ZNF26: variants seen among roughly 807,000 people sequenced by gnomAD.
ZNF26 encodes zinc finger protein 26.
ZNF26 carries 32 observed loss-of-function variants against 54.9 expected under a neutral mutation model. The ratio of observed to expected loss-of-function variants is 0.58; its 90% CI spans 0.44 to 0.78. The LOEUF (loss-of-function observed/expected upper bound fraction) is 0.78. Among genes scored for constraint, ZNF26 ranks in the 30% least tolerant of loss-of-function variants. ZNF26 has a pLI of 0.00. For missense variants in ZNF26, 524 were observed against 634.0 expected, an observed-to-expected ratio of 0.83 and a Z score of 1.86; for synonymous variants, 221 against 209.2, an observed-to-expected ratio of 1.06 and a Z score of -0.49.
intron 1 of ZNF26, 93 bp downstream of exon 1, chr12:132,986,966 T>C: frequency 7.2e-7 from 1 of 1,394,732 alleles, no homozygotes; most frequent in Non-Finnish European, 1.0e-6. Flanking sequence ...TGAACTCACA[T>C]TCAGCTGTAA....
intron 1 of ZNF26, chr12:132,987,605 G>T: frequency 1.5e-6 from 1 of 681,062 alleles, no homozygotes; most frequent in Non-Finnish European, 1.8e-6. Context: ...GAATGCTATT[G>T]GAAGAGGGAC....
In ZNF26 at chr12:133,019,109, C is replaced by T. The variant is rs1320804604; in HGVS notation, c.*7628C>T. ...ATATCAGACACAATAGAGTTTAAAA[C>T]AAAAGTTTTACTAGAGATAAAGAAA... On this transcript the variant is annotated 3_prime_UTR_variant, in exon 4 of 4. Transcript: ENST00000328654. The T allele has an allele frequency of 1.3e-5, 2 of 151,906 alleles. No individual in the cohort carries two copies. Among genetic ancestry groups the T allele is most frequent in the African/African-American group, 4.8e-5 (2 of 41,364 alleles). The allele number at this position is 151,906 out of a possible 1,614,324, so 9.4% of individuals were successfully genotyped here.
intron 1 of ZNF26, 175 bp from the exon 2 acceptor site, chr12:133,006,867 A>G (rs1953342253): frequency 5.0e-6 from 4 of 799,246 alleles, no homozygotes; most frequent in Non-Finnish European, 7.9e-6. Flanking sequence ...TGCTGGCGTG[A>G]GCCACCGTGC....
chr12:133,010,855 A>T lies in ZNF26; in HGVS notation c.976A>T (p.Lys326Ter). 6.2e-7 allele frequency: 1 copy of T among 1,614,154 alleles called. No individual in the cohort carries two copies. Among genetic ancestry groups the T allele is most frequent in the Non-Finnish European group, 8.5e-7 (1 of 1,180,046 alleles). ...CSECGKAFRS[K>*]SYLLVHIRMH... is the part of the protein sequence containing the mutation. ...TGAATGTGGGAAAGCCTTTAGGAGT[A>T]AGTCCTATCTCCTTGTTCACATCCG... Residue 326 changes from lysine to a stop codon, truncating the protein, a stop_gained, in exon 4 of 4, where the codon AAG becomes TAG. Coordinates refer to ENST00000328654, the MANE Select transcript of ZNF26 (RefSeq NM_019591.4). LOFTEE classifies it high-confidence loss of function.
chr12:133,007,730 C>T (rs1347722932), intron 3 of ZNF26, among the ~76,000 whole-genome samples, 198 bp downstream of exon 3: 2 of 152,164 alleles, frequency 1.3e-5, no homozygotes, highest in African/African-American at 4.8e-5. Flanking sequence ...TTTCTTCCCC[C>T]TTACTGTTGA....
intron 1 of ZNF26, among the ~76,000 whole-genome samples, chr12:132,995,674 C>G (rs1479541265): frequency 1.3e-5 from 2 of 151,886 alleles, no homozygotes; most frequent in East Asian, 3.9e-4. Flanking sequence ...TTTTTTGAGA[C>G]AGAGTCTTGC....
Position 133,020,124 on chromosome 12 carries a change from C to G in ZNF26, c.*8643C>G, listed in dbSNP as rs1263271457. 1 of 151,934 alleles carries G rather than the reference C, an allele frequency of 6.6e-6. No individual in the cohort carries two copies. Among genetic ancestry groups the G allele is most frequent in the Non-Finnish European group, 1.5e-5 (1 of 67,984 alleles). 9.4% of individuals were successfully genotyped at this position (151,934 alleles called of 1,614,324 possible). A position where few individuals can be genotyped will look rare whatever the true frequency, so the allele number is the denominator to read the frequency against. ...AAACAAAACAAAAAAAAAATCAGAGCCCATCAACAAATGGATAAAGAAAGT... is the reference window on the plus strand; with the variant it reads ...AAACAAAACAAAAAAAAAATCAGAGGCCATCAACAAATGGATAAAGAAAGT... On this transcript the variant is annotated 3_prime_UTR_variant, in exon 4 of 4. Transcript: ENST00000328654.
intron 1 of ZNF26, 155 bp from the exon 2 acceptor site, chr12:133,006,887 C>T (rs1953342899): frequency 9.5e-7 from 1 of 1,049,712 alleles, no homozygotes; most frequent in Non-Finnish European, 1.4e-6. Context: ...CCTGGCACTC[C>T]TTGATTGATT....
intron 1 of ZNF26, among the ~76,000 whole-genome samples, chr12:132,989,507 A>G (rs1952901382): frequency 6.6e-6 from 1 of 152,210 alleles, no homozygotes; most frequent in Non-Finnish European, 1.5e-5. Context: ...TTACATATAC[A>G]TAAGATATCT....
In ZNF26 at chr12:133,012,875, G is replaced by C. The variant is rs1438376880; in HGVS notation, c.*1394G>C. 6.6e-6 allele frequency: 1 copy of C among 151,998 alleles called. No individual in the cohort carries two copies. The highest frequency in any genetic ancestry group is 6.6e-5 in the Admixed American group (1 of 15,246). The allele number at this position is 151,998 out of a possible 1,614,324, so 9.4% of individuals were successfully genotyped here. On this transcript the variant is annotated 3_prime_UTR_variant, in exon 4 of 4. Transcript: ENST00000328654. ...ATTACAGGTGTGAGCCACCGAGCCC[G>C]GCCAGCTTTCTATTTCTTATAACCT...
intron 1 of ZNF26, among the ~76,000 whole-genome samples, chr12:133,000,154 T>G (rs1953178761): frequency 6.6e-6 from 1 of 152,158 alleles, no homozygotes; most frequent in Admixed American, 6.5e-5. Flanking sequence ...TTGGACTGCT[T>G]CTTGGTCATA....
At chr12:132,991,673 T>C (rs752028126) in intron 1 of ZNF26, among the ~76,000 whole-genome samples, 60 of 148,762 alleles carry the variant, frequency 4.0e-4, no homozygotes, top group Middle Eastern at 3.5e-3. Context: ...TGTGCTAGTG[T>C]GCACCTGTAG....
intron 1 of ZNF26, among the ~76,000 whole-genome samples, chr12:133,000,573 C>T (rs1271206564): frequency 2.0e-5 from 3 of 151,868 alleles, no homozygotes; most frequent in Admixed American, 6.6e-5. Flanking sequence ...TACAGGCGCC[C>T]GCCACCACAC....
At position 133,010,913 on chromosome 12, in the gene ZNF26, G is replaced by C. The variant is rs1370486197; in HGVS notation, c.1034G>C (p.Ser345Thr). ...ACAGGAGAAAAACCCTATCAATGCA[G>C]TGATTGTGGGAAAGCCTTCAATATG... is the stretch of plus-strand genomic sequence containing the variant. The part of the protein sequence containing the change: ...MHTGEKPYQC[S>T]DCGKAFNMKT... The change falls in exon 4 of 4, where the codon AGT (serine) becomes ACT (threonine). Residue 345 changes from serine (S) to threonine (T), a missense_variant. By Grantham distance (58) the Ser-to-Thr change is moderately conservative (BLOSUM62 1). Coordinates refer to ENST00000328654, the MANE Select transcript of ZNF26 (RefSeq NM_019591.4). The C allele has an allele frequency of 6.2e-7, 1 of 1,614,132 alleles. No homozygotes were observed. Among genetic ancestry groups the C allele is most frequent in the South Asian group, 1.1e-5 (1 of 91,092 alleles).
rs1370185052 is a variant in ZNF26 at position 133,014,615 on chromosome 12, G to A, written c.*3134G>A. On this transcript the variant is annotated 3_prime_UTR_variant, in exon 4 of 4. Coordinates refer to ENST00000328654, the MANE Select transcript of ZNF26 (RefSeq NM_019591.4). Reference sequence around the variant, plus strand: ...AGGCTGGAGTGAATTGCACAATCTCGGCTCACTGCAACCTCCGCCTCCTGG... The same window carrying A: ...AGGCTGGAGTGAATTGCACAATCTCAGCTCACTGCAACCTCCGCCTCCTGG... 2.0e-5 allele frequency: 3 copies of A among 148,562 alleles called. No individual in the cohort carries two copies. Among genetic ancestry groups the A allele is most frequent in the Non-Finnish European group, 3.0e-5 (2 of 67,584 alleles). The allele number at this position is 148,562 out of a possible 1,614,324, so 9.2% of individuals were successfully genotyped here.
intron 1 of ZNF26, among the ~76,000 whole-genome samples, chr12:132,999,639 G>A (rs1017834460): frequency 1.2e-3 from 180 of 152,142 alleles, no homozygotes; most frequent in African/African-American, 4.2e-3. Context: ...ACACTTTATT[G>A]TGTCAAGGAA....
intron 1 of ZNF26, chr12:132,995,101 C>T (rs1404692445): frequency 2.6e-5 from 4 of 152,128 alleles, no homozygotes; most frequent in Admixed American, 6.5e-5. Flanking sequence ...TCCAAAGTGG[C>T]GAAATGACTT....
Position 132,986,781 on chromosome 12 carries a change from G to A in ZNF26, c.-60G>A. The stretch of plus-strand genomic sequence containing the variant: ...GTCTTCGGGCGGACGCATCCCTCAC[G>A]GTCTCTCCGCAGCCCGCGGGTCCTG... On this transcript the variant is annotated 5_prime_UTR_variant, in exon 1 of 4. Coordinates refer to ENST00000328654, the MANE Select transcript of ZNF26 (RefSeq NM_019591.4). The A allele has an allele frequency of 6.4e-7, 1 of 1,555,638 alleles. No homozygotes were observed. The highest frequency in any genetic ancestry group is 1.2e-5 in the South Asian group (1 of 84,884).
chr12:133,008,149 G>A (rs1377656360), intron 3 of ZNF26, among the ~76,000 whole-genome samples: 1 of 152,032 alleles, frequency 6.6e-6, no homozygotes, highest in Non-Finnish European at 1.5e-5. Flanking sequence ...TTTCTCTTTG[G>A]CACTTGAGTC....
Sources: allele counts gnomAD v4.1 joint callset (sites outside exome capture counted in the v4.1 genomes callset), GRCh38; gene constraint gnomAD v4.1.1; transcripts MANE v1.5; gene names NCBI Gene and HGNC (gene_info 2026-07-23, HGNC 2026-07-21).